NALF1: variants seen among roughly 807,000 people sequenced by gnomAD.
NALF1 encodes the protein family with sequence similarity 155 member A.
Under a neutral mutation model 48.4 loss-of-function variants are expected in NALF1, and 3 were observed. The ratio of observed to expected loss-of-function variants is 0.06; its 90% CI spans 0.03 to 0.16. The LOEUF is 0.16. Among genes scored for constraint, NALF1 ranks in the 10% least tolerant of loss-of-function variants. NALF1 has a pLI of 1.00. For missense variants in NALF1, 526 were observed against 571.5 expected (o/e 0.92, Z 0.81); for synonymous variants, 262 against 245.7 (o/e 1.07, Z -0.62).
At chr13:107,393,224 A>G (rs892472165) in intron 1 of NALF1, among the ~76,000 whole-genome samples, 1 of 152,110 alleles carries the variant, frequency 6.6e-6, no homozygotes, top group Non-Finnish European at 1.5e-5. Flanking sequence ...AGAAAGAAGA[A>G]GGTCCCTTAA....
At chr13:107,442,795 A>T (rs1884581989) in intron 1 of NALF1, among the ~76,000 whole-genome samples, 1 of 152,258 alleles carries the variant, frequency 6.6e-6, no homozygotes, top group Non-Finnish European at 1.5e-5. Context: ...AAGTGAATCA[A>T]TGTGACAAAT....
chr13:107,247,697 C>T (rs1183390085), intron 1 of NALF1, among the ~76,000 whole-genome samples: 1 of 152,014 alleles, frequency 6.6e-6, no homozygotes, highest in Non-Finnish European at 1.5e-5. Flanking sequence ...TTAATTAATT[C>T]AATGTAGCAA....
chr13:107,294,232 T>C (rs1881683485), intron 1 of NALF1, among the ~76,000 whole-genome samples: 1 of 152,186 alleles, frequency 6.6e-6, no homozygotes, highest in Non-Finnish European at 1.5e-5. Context: ...ATATCTAAAA[T>C]GAGTTGAATC....
At chr13:107,666,413 G>C (rs1406797353) in intron 1 of NALF1, among the ~76,000 whole-genome samples, 1 of 152,086 alleles carries the variant, frequency 6.6e-6, no homozygotes, top group Non-Finnish European at 1.5e-5. Flanking sequence ...CTGTGACAAT[G>C]CTTCAAAGAA....
chr13:107,388,800 C>T (rs1566321383), intron 1 of NALF1, among the ~76,000 whole-genome samples: 1 of 151,942 alleles, frequency 6.6e-6, no homozygotes, highest in Non-Finnish European at 1.5e-5. Flanking sequence ...TGTCCTTTAA[C>T]CTGCACCACG....
At chr13:107,392,092 G>A (rs569866113) in intron 1 of NALF1, among the ~76,000 whole-genome samples, 1 of 152,182 alleles carries the variant, frequency 6.6e-6, no homozygotes, top group South Asian at 2.1e-4. Flanking sequence ...TTGAAATTGT[G>A]ACTGCTCCCT....
chr13:107,510,557 T>C (rs1875853697), intron 1 of NALF1, among the ~76,000 whole-genome samples: 3 of 152,216 alleles, frequency 2.0e-5, no homozygotes, highest in Admixed American at 2.0e-4. Flanking sequence ...CTTTAAAACC[T>C]GTCTAATTTA....
At chr13:107,285,102 C>G (rs1881467839) in intron 1 of NALF1, among the ~76,000 whole-genome samples, 1 of 152,084 alleles carries the variant, frequency 6.6e-6, no homozygotes, top group South Asian at 2.1e-4. Context: ...TATTATATGT[C>G]TATGTGTACT....
intron 1 of NALF1, among the ~76,000 whole-genome samples, chr13:107,455,222 G>A (rs1177414666): frequency 6.6e-6 from 1 of 152,134 alleles, no homozygotes; most frequent in African/African-American, 2.4e-5. Flanking sequence ...GCAGAACTGG[G>A]AGTCAATTAA....
chr13:107,701,719 A>C (rs1881825722), intron 1 of NALF1, among the ~76,000 whole-genome samples: 1 of 152,184 alleles, frequency 6.6e-6, no homozygotes, highest in Non-Finnish European at 1.5e-5. Flanking sequence ...TTTGTTAAGT[A>C]AGTAGATTTT....
rs200954121 is a variant in NALF1 at position 107,170,693 on chromosome 13, T to C, written c.1181A>G (p.Glu394Gly). 1 of 1,614,248 alleles carries C rather than the reference T, an allele frequency of 6.2e-7. No individual in the cohort carries two copies. Among genetic ancestry groups the C allele is most frequent in the Non-Finnish European group, 8.5e-7 (1 of 1,180,042 alleles). Reference sequence around the variant, plus strand: ...TGTCCTGTGACAGGAGCCACTTTTCTCTACGGTCCCTTTGGATGGGTTATT... The same window carrying C: ...TGTCCTGTGACAGGAGCCACTTTTCCCTACGGTCCCTTTGGATGGGTTATT... ...KSNNPSKGTV[E>G]KSGSCHRTSL... Residue 394 changes from glutamate to glycine, a missense_variant, in exon 3 of 3, where the codon GAG (glutamate) becomes GGG (glycine). Around this residue, in one of 2 missense-constraint regions of NALF1, gnomAD observed 153 missense variants for 215.9 expected, o/e 0.71. Coordinates refer to ENST00000375915, the MANE Select transcript of NALF1 (RefSeq NM_001080396.3).
intron 1 of NALF1, among the ~76,000 whole-genome samples, chr13:107,773,884 TA>T (rs1240629793): frequency 1.3e-5 from 2 of 151,962 alleles, no homozygotes; most frequent in Non-Finnish European, 1.5e-5. Flanking sequence ...ATAATAATAA[TA>T]AAAAAATAAA....
chr13:107,602,007 A>C (rs1366391592), intron 1 of NALF1, among the ~76,000 whole-genome samples: 1 of 152,120 alleles, frequency 6.6e-6, no homozygotes, highest in Non-Finnish European at 1.5e-5. Context: ...CTTCAAATTC[A>C]ATATGACTTG....
At chr13:107,624,336 A>G (rs1879609064) in intron 1 of NALF1, among the ~76,000 whole-genome samples, 1 of 152,186 alleles carries the variant, frequency 6.6e-6, no homozygotes, top group African/African-American at 2.4e-5. Context: ...AACATAAGAA[A>G]CAAATGAAAG....
chr13:107,766,161 T>TG, intron 1 of NALF1, among the ~76,000 whole-genome samples: 1 of 152,300 alleles, frequency 6.6e-6, no homozygotes, highest in East Asian at 1.9e-4. Context: ...AATGAGGCCT[T>TG]GCTACAGCCC....
intron 1 of NALF1, among the ~76,000 whole-genome samples, chr13:107,591,339 A>G (rs1036977395): frequency 6.6e-6 from 1 of 151,980 alleles, no homozygotes; most frequent in Non-Finnish European, 1.5e-5. Context: ...TTCTGCACAT[A>G]ATAGGCTTCC....
At chr13:107,679,019 C>T (rs985366148) in intron 1 of NALF1, among the ~76,000 whole-genome samples, 5 of 152,268 alleles carry the variant, frequency 3.3e-5, no homozygotes, top group African/African-American at 7.2e-5. Flanking sequence ...TTCCTCTTTC[C>T]GTAAAAGGTC....
chr13:107,395,309 A>G (rs568756396), intron 1 of NALF1, among the ~76,000 whole-genome samples: 2 of 152,244 alleles, frequency 1.3e-5, no homozygotes, highest in African/African-American at 4.8e-5. Flanking sequence ...TATGTTCACT[A>G]GGTCAGCCCT....
At chr13:107,845,077 T>C (rs948493468) in intron 1 of NALF1, among the ~76,000 whole-genome samples, 1 of 152,204 alleles carries the variant, frequency 6.6e-6, no homozygotes, top group African/African-American at 2.4e-5. Flanking sequence ...AGGCACACTA[T>C]ACACATAGCT....
Sources: gnomAD v4.1 joint callset for allele counts (sites outside exome capture counted in the v4.1 genomes callset) on GRCh38, gnomAD v4.1.1 for gene constraint, gnomAD v4.1.1 regional missense constraint, MANE v1.5 for transcripts, NCBI Gene and HGNC (gene_info 2026-07-23, HGNC 2026-07-21) for gene names.